Variants in NDUFS4 observed in about 807,000 individuals in gnomAD.
NDUFS4 encodes the protein NADH dehydrogenase [ubiquinone] iron-sulfur protein 4, mitochondrial.
NDUFS4 carries 28 observed loss-of-function variants against 24.3 expected under a neutral mutation model. The observed-to-expected ratio is 1.15, with a 90% confidence interval of 0.85 to 1.58. NDUFS4 has a LOEUF of 1.58. Among genes scored for constraint, NDUFS4 ranks in the 40% most tolerant of loss-of-function variants. The pLI, the probability that NDUFS4 is intolerant of heterozygous loss-of-function variation, is 0.00. For missense variants in NDUFS4, 223 were observed against 207.9 expected (o/e 1.07, Z -0.45); for synonymous variants, 93 against 69.7 (o/e 1.34, Z -1.67).
intron 2 of NDUFS4, among the ~76,000 whole-genome samples, chr5:53,640,177 G>C (rs944779940): frequency 6.6e-6 from 1 of 152,060 alleles, no homozygotes; most frequent in Non-Finnish European, 1.5e-5. Context: ...TTACTGAGGG[G>C]CTGAAGTGGA....
At chr5:53,627,415 A>G (rs1043289522) in intron 2 of NDUFS4, among the ~76,000 whole-genome samples, 3 of 152,174 alleles carry the variant, frequency 2.0e-5, no homozygotes, top group Non-Finnish European at 2.9e-5. Context: ...GAATTCTGTG[A>G]AGAAAGCCAG....
At chr5:53,646,575 A>C (rs1236516097) in intron 3 of NDUFS4, among the ~76,000 whole-genome samples, 170 bp downstream of exon 3, 1 of 121,448 alleles carries the variant, frequency 8.2e-6, no homozygotes, top group African/African-American at 2.7e-5. Context: ...TTAGATATTC[A>C]GATAAGTGTG....
intron 3 of NDUFS4, among the ~76,000 whole-genome samples, chr5:53,658,346 T>C (rs1356051792): frequency 6.6e-6 from 1 of 152,172 alleles, no homozygotes; most frequent in Non-Finnish European, 1.5e-5. Context: ...AATTTTATTA[T>C]TTGACAATAC....
At chr5:53,571,171 A>G (rs535639045) in intron 1 of NDUFS4, among the ~76,000 whole-genome samples, 2 of 152,350 alleles carry the variant, frequency 1.3e-5, no homozygotes, top group South Asian at 2.1e-4. Context: ...GAACATTTCC[A>G]TCACTCAAAC....
At chr5:53,677,018 T>C (rs944981821) in intron 4 of NDUFS4, among the ~76,000 whole-genome samples, 1 of 152,156 alleles carries the variant, frequency 6.6e-6, no homozygotes, top group Non-Finnish European at 1.5e-5. Flanking sequence ...ATGAGTAGCT[T>C]GCAAATCTCT....
rs1007700719 is a variant in NDUFS4 at position 53,565,577 on chromosome 5, A to C, written c.98+4817A>C. 4.1e-4 allele frequency among the ~76,000 whole-genome samples: 63 copies of C among 152,226 alleles called. 1 individual carries two copies. The highest frequency in any genetic ancestry group is 2.6e-4 in the Admixed American group (4 of 15,274). On this transcript the variant is annotated intron_variant, in intron 1 of 4. Transcript: ENST00000296684. Reference sequence around the variant, plus strand: ...GGAGCATTACGCAGTGTTTCTTTTAATACCCTCATCAGTGATAGCCAGGTA... The same window carrying C: ...GGAGCATTACGCAGTGTTTCTTTTACTACCCTCATCAGTGATAGCCAGGTA...
intron 4 of NDUFS4, among the ~76,000 whole-genome samples, chr5:53,665,372 A>C (rs887940527): frequency 2.0e-5 from 3 of 152,222 alleles, no homozygotes; most frequent in African/African-American, 7.2e-5. Flanking sequence ...GGGACATTTA[A>C]GTCTGCAGAG....
intron 1 of NDUFS4, among the ~76,000 whole-genome samples, chr5:53,585,396 G>A (rs1749715451): frequency 6.6e-6 from 1 of 152,130 alleles, no homozygotes; most frequent in Non-Finnish European, 1.5e-5. Flanking sequence ...ATGAGGGCCT[G>A]TAAAAGCATA....
Position 53,646,005 on chromosome 5 carries a change from G to A in NDUFS4, c.178-228G>A, listed in dbSNP as rs12516733. 0.16 allele frequency among the ~76,000 whole-genome samples: 25,031 copies of A among 151,926 alleles called. 2,301 individuals are homozygous for A. The highest frequency in any genetic ancestry group is 0.21 in the Non-Finnish European group (14,125 of 67,914). On this transcript the variant is annotated intron_variant, in intron 2 of 4. Transcript: ENST00000296684. ...ACAAAAGGGCGTAAATTTTTTTTAC[G>A]ATCCTTTTCCACTGTCTCCACTACG...
chr5:53,649,508 C>T (rs755663418), intron 3 of NDUFS4, among the ~76,000 whole-genome samples: 2 of 152,238 alleles, frequency 1.3e-5, no homozygotes, highest in Non-Finnish European at 2.9e-5. Context: ...CCTCCACCTT[C>T]ATCCATGTTG....
At chr5:53,647,190 A>G (rs1047780892) in intron 3 of NDUFS4, among the ~76,000 whole-genome samples, 2 of 151,722 alleles carry the variant, frequency 1.3e-5, no homozygotes, top group Non-Finnish European at 2.9e-5. Context: ...AATAATAAAT[A>G]ATAATAAATT....
intron 1 of NDUFS4, among the ~76,000 whole-genome samples, chr5:53,594,798 T>C (rs1750080557): frequency 6.6e-6 from 1 of 152,114 alleles, no homozygotes; most frequent in African/African-American, 2.4e-5. Context: ...AACAAACCTC[T>C]TTTATACATT....
chr5:53,595,303 A>G lies in NDUFS4; in HGVS notation c.99-8149A>G, dbSNP rs115681511. Among the ~76,000 whole-genome samples, 1,263 of 152,208 alleles carry G rather than the reference A, an allele frequency of 8.3e-3. 18 individuals carry two copies. The highest frequency in any genetic ancestry group is 0.028 in the African/African-American group (1,179 of 41,532). On this transcript the variant is annotated intron_variant, in intron 1 of 4. Transcript: ENST00000296684. ...AAATTCTATTAGGATTTGTATTACTATTGTATTTAATTTATAAGTTAATAA... is the reference window on the plus strand; with the variant it reads ...AAATTCTATTAGGATTTGTATTACTGTTGTATTTAATTTATAAGTTAATAA...
chr5:53,627,525 C>CT (rs1751267840), intron 2 of NDUFS4, among the ~76,000 whole-genome samples: 1 of 152,040 alleles, frequency 6.6e-6, no homozygotes, highest in Non-Finnish European at 1.5e-5. Context: ...ATGGAATGTT[C>CT]TTTCGTTTGT....
intron 2 of NDUFS4, among the ~76,000 whole-genome samples, chr5:53,621,924 TCTC>T (rs1277443941): frequency 1.3e-5 from 2 of 151,938 alleles, no homozygotes; most frequent in African/African-American, 2.4e-5. Flanking sequence ...ATGGTCTCGA[TCTC>T]CTGACCTCAT....
At chr5:53,619,508 A>AG (rs1554056992) in intron 2 of NDUFS4, among the ~76,000 whole-genome samples, 3 of 149,702 alleles carry the variant, frequency 2.0e-5, no homozygotes, top group African/African-American at 7.3e-5. Context: ...AAAAAAAAAA[A>AG]CACATTATAC....
intron 3 of NDUFS4, among the ~76,000 whole-genome samples, chr5:53,650,828 A>G (rs1751994690): frequency 6.6e-6 from 1 of 152,242 alleles, no homozygotes; most frequent in Non-Finnish European, 1.5e-5. Flanking sequence ...TGCTTGCACA[A>G]AGGTTCACAC....
intron 2 of NDUFS4, among the ~76,000 whole-genome samples, chr5:53,634,564 TTC>T (rs1751496916): frequency 6.6e-6 from 1 of 152,110 alleles, no homozygotes; most frequent in Non-Finnish European, 1.5e-5. Flanking sequence ...TTCTGTTCTG[TTC>T]TGTTCTTTCT....
chr5:53,639,566 G>T (rs112081593), intron 2 of NDUFS4, among the ~76,000 whole-genome samples: 5,071 of 151,972 alleles, frequency 0.033, 294 homozygotes, highest in African/African-American at 0.11. Flanking sequence ...TTGACATCTT[G>T]TATAAAATGT....
Sources: allele counts gnomAD v4.1 joint callset (sites outside exome capture counted in the v4.1 genomes callset), GRCh38; gene constraint gnomAD v4.1.1; transcripts MANE v1.5; gene names NCBI Gene and HGNC (gene_info 2026-07-23, HGNC 2026-07-21).